PYM1: variants seen among roughly 807,000 people sequenced by gnomAD.
PYM1 encodes the protein PYM1 exon junction complex associated factor.
Under a neutral mutation model 20.7 loss-of-function variants are expected in PYM1, and 7 were observed. The ratio of observed to expected loss-of-function variants is 0.34; its 90% confidence interval spans 0.19 to 0.64. The LOEUF (loss-of-function observed/expected upper bound fraction) is 0.64. Ranked by LOEUF, PYM1 falls within the 30% of genes least tolerant of loss-of-function variation. The pLI is 0.74. For synonymous variants in PYM1, 100 were observed against 99.2 expected, an observed-to-expected ratio of 1.01 and a Z score of -0.05; for missense variants, 194 against 250.0, an observed-to-expected ratio of 0.78 and a Z score of 1.51.
intron 1 of PYM1, among the ~76,000 whole-genome samples, chr12:55,921,307 C>A (rs181971087): frequency 4.3e-4 from 66 of 152,238 alleles, no homozygotes; most frequent in African/African-American, 1.6e-3. Flanking sequence ...TTTTAATACG[C>A]ATAATAATCC....
intron 1 of PYM1, among the ~76,000 whole-genome samples, chr12:55,916,575 A>G (rs1883011864): frequency 6.6e-6 from 1 of 152,016 alleles, no homozygotes; most frequent in African/African-American, 2.4e-5. Flanking sequence ...AGGCGGGCGG[A>G]TCACCTGAGG....
chr12:55,917,803 T>C (rs994079694), intron 1 of PYM1, among the ~76,000 whole-genome samples: 1 of 151,678 alleles, frequency 6.6e-6, no homozygotes, highest in African/African-American at 2.4e-5. Context: ...CTCTACTAAA[T>C]ACAAAACTCA....
intron 1 of PYM1, among the ~76,000 whole-genome samples, chr12:55,911,005 T>G (rs914232584): frequency 6.6e-6 from 1 of 152,214 alleles, no homozygotes; most frequent in Non-Finnish European, 1.5e-5. Flanking sequence ...TGACAAACGT[T>G]TCCTATTCAG....
intron 1 of PYM1, among the ~76,000 whole-genome samples, chr12:55,924,841 C>T (rs1198303530): frequency 6.6e-6 from 1 of 152,152 alleles, no homozygotes; most frequent in Non-Finnish European, 1.5e-5. Context: ...CATGCCACCA[C>T]ACTCAGCTAA....
chr12:55,923,366 G>C (rs1006912762), intron 1 of PYM1, among the ~76,000 whole-genome samples: 1 of 151,960 alleles, frequency 6.6e-6, no homozygotes, highest in South Asian at 2.1e-4. Context: ...AGGAATTTGA[G>C]ATCAGACTGG....
intron 1 of PYM1, chr12:55,914,501 T>A (rs1882974176): frequency 3.2e-6 from 2 of 621,338 alleles, no homozygotes; most frequent in Non-Finnish European, 5.8e-6. Flanking sequence ...TGCCGTTTTT[T>A]AATTCTCAAT....
chr12:55,925,536 G>A (rs1014724766), intron 1 of PYM1, among the ~76,000 whole-genome samples: 15 of 151,984 alleles, frequency 9.9e-5, no homozygotes, highest in African/African-American at 3.6e-4. Flanking sequence ...ATGATAGCAA[G>A]AAAAAAAGGA....
chr12:55,927,357 G>A (rs1258912243), intron 1 of PYM1: 2 of 727,864 alleles, frequency 2.7e-6, no homozygotes, highest in Non-Finnish European at 4.9e-6. Context: ...AGTCCTCAGG[G>A]AGCCAAGAGA....
chr12:55,914,276 C>T (rs1313016746), intron 1 of PYM1: 1 of 702,052 alleles, frequency 1.4e-6, no homozygotes, highest in East Asian at 2.7e-5. Context: ...AAAGGAGCAC[C>T]TATTTTATGT....
At chr12:55,927,154 GC>G (rs71446518) in intron 1 of PYM1, 25 of 1,550,930 alleles carry the variant, frequency 1.6e-5, no homozygotes, top group East Asian at 2.4e-5. Flanking sequence ...CTGGGGTCCC[GC>G]CCCCCTCCCC....
At chr12:55,927,258 A>C (rs1252082131) in intron 1 of PYM1, 1 of 1,146,784 alleles carries the variant, frequency 8.7e-7, no homozygotes, top group South Asian at 1.3e-5. Context: ...GAGGAGGAAG[A>C]GTGGAGAAGC....
chr12:55,925,900 G>C (rs570387483), intron 1 of PYM1, among the ~76,000 whole-genome samples: 1 of 152,204 alleles, frequency 6.6e-6, no homozygotes, highest in Non-Finnish European at 1.5e-5. Flanking sequence ...TCATGAAGGA[G>C]CTACTGGGTA....
intron 1 of PYM1, among the ~76,000 whole-genome samples, chr12:55,904,372 T>C (rs2136256805): frequency 6.6e-6 from 1 of 150,616 alleles, no homozygotes; most frequent in African/African-American, 2.4e-5. Flanking sequence ...GGGGGTTGAA[T>C]CACGAGGTCA....
chr12:55,920,841 T>C (rs1000181334), intron 1 of PYM1, among the ~76,000 whole-genome samples: 2 of 152,118 alleles, frequency 1.3e-5, no homozygotes, highest in East Asian at 3.8e-4. Context: ...GAGTTTTTAA[T>C]AGCAAGGAAA....
intron 1 of PYM1, chr12:55,927,381 A>G: frequency 2.8e-6 from 2 of 717,262 alleles, no homozygotes; most frequent in African/African-American, 3.5e-5. Context: ...TCCGAGGCAC[A>G]GTCCCTCTCA....
At chr12:55,922,831 G>A (rs1373470025) in intron 1 of PYM1, among the ~76,000 whole-genome samples, 1 of 152,020 alleles carries the variant, frequency 6.6e-6, no homozygotes, top group Non-Finnish European at 1.5e-5. Context: ...TGGAAAACAA[G>A]GAAAGCCTGA....
intron 1 of PYM1, among the ~76,000 whole-genome samples, chr12:55,910,567 C>G (rs543327464): frequency 6.6e-6 from 1 of 152,052 alleles, no homozygotes; most frequent in Non-Finnish European, 1.5e-5. Context: ...CTCAGTCTCC[C>G]GAGTACCTGG....
intron 1 of PYM1, chr12:55,927,343 A>C (rs778438111): frequency 1.3e-6 from 1 of 742,746 alleles, no homozygotes; most frequent in South Asian, 1.5e-5. Context: ...GCTGCCTGTA[A>C]AACAGTCCTC....
At chr12:55,925,102 G>T (rs764473397) in intron 1 of PYM1, among the ~76,000 whole-genome samples, 1 of 152,172 alleles carries the variant, frequency 6.6e-6, no homozygotes, top group South Asian at 2.1e-4. Flanking sequence ...GCCTAGAAGC[G>T]GAAGCCAAGA....
Sources: gnomAD v4.1 joint callset for allele counts (sites outside exome capture counted in the v4.1 genomes callset) on GRCh38, gnomAD v4.1.1 for gene constraint, MANE v1.5 for transcripts, NCBI Gene and HGNC (gene_info 2026-07-23, HGNC 2026-07-21) for gene names.